CDH18: variants seen among roughly 807,000 people sequenced by gnomAD.
The protein encoded by CDH18 is cadherin-18.
A neutral mutation model predicts 67.9 loss-of-function variants in CDH18; 31 were observed. The observed-to-expected ratio is 0.46, with a 90% CI of 0.34 to 0.62. The LOEUF (loss-of-function observed/expected upper bound fraction) is 0.62. CDH18 is among the 20% of genes least tolerant of loss of function. CDH18 has a pLI of 0.01. For synonymous variants in CDH18, 362 were observed against 347.2 expected, an observed-to-expected ratio of 1.04 and a Z score of -0.48; for missense variants, 890 against 975.5, an observed-to-expected ratio of 0.91 and a Z score of 1.17.
At chr5:20,211,083 G>T (rs1740314771) in intron 2 of CDH18, among the ~76,000 whole-genome samples, 1 of 151,984 alleles carries the variant, frequency 6.6e-6, no homozygotes, top group Non-Finnish European at 1.5e-5. Flanking sequence ...TATCAATAAA[G>T]CCAGTGACAC....
At chr5:19,922,014 A>C (rs762690972) in intron 2 of CDH18, among the ~76,000 whole-genome samples, 1 of 152,126 alleles carries the variant, frequency 6.6e-6, no homozygotes, top group Non-Finnish European at 1.5e-5. Context: ...CTAATGGAGA[A>C]AGTTAATACC....
At chr5:19,522,948 C>G (rs1348852883) in intron 9 of CDH18, among the ~76,000 whole-genome samples, 2 of 146,580 alleles carry the variant, frequency 1.4e-5, no homozygotes, top group Non-Finnish European at 3.0e-5. Flanking sequence ...TCAAGGCTTA[C>G]TACACTTAAC....
At chr5:20,573,301 TA>T (rs887574615) in intron 1 of CDH18, among the ~76,000 whole-genome samples, 3 of 151,960 alleles carry the variant, frequency 2.0e-5, no homozygotes, top group Non-Finnish European at 1.5e-5. Flanking sequence ...CTACTTATGC[TA>T]AAATTTTAAT....
At position 19,612,523 on chromosome 5, in the gene CDH18, A is replaced by G. The variant is rs201835877; in HGVS notation, c.722T>C (p.Met241Thr). ...HYSVVIQAKD[M>T]AGQVGGLSGS... ...TGAAAGCCCTCCAACTTGCCCAGCCATGTCTTTGGCTTGAATGACTACGGA... is the reference window on the plus strand; with the variant it reads ...TGAAAGCCCTCCAACTTGCCCAGCCGTGTCTTTGGCTTGAATGACTACGGA... Residue 241 changes from methionine to threonine, a missense_variant, in exon 6 of 13, where the codon ATG (methionine) becomes ACG (threonine). This residue lies in a region of CDH18 where 234 missense variants were observed against 307.4 expected (regional missense o/e 0.76). Transcript: ENST00000382275. The G allele has an allele frequency of 6.2e-7, 1 of 1,614,070 alleles. No individual in the cohort carries two copies. The highest frequency in any genetic ancestry group is 1.3e-5 in the African/African-American group (1 of 75,030).
At chr5:20,016,367 T>C (rs758005478) in intron 2 of CDH18, among the ~76,000 whole-genome samples, 14 of 152,072 alleles carry the variant, frequency 9.2e-5, no homozygotes, top group Non-Finnish European at 1.9e-4. Flanking sequence ...TTGGGTACTA[T>C]ACGTAGTACC....
chr5:19,535,575 A>C (rs149564700), intron 9 of CDH18, among the ~76,000 whole-genome samples: 1,787 of 152,300 alleles, frequency 0.012, 12 homozygotes, highest in South Asian at 0.032. Flanking sequence ...TTTCATTTCT[A>C]TTATCTGACA....
In CDH18 at chr5:20,172,205, T is replaced by TATAC. The variant is rs1554098704; in HGVS notation, c.-518+83238_-518+83239insGTAT. On this transcript the variant is annotated intron_variant, in intron 2 of 14. Coordinates refer to the CDH18 transcript ENST00000507958. ...AGCATTGTGTGTATATATATATATATATATATATATATATATATGTATATA... is the reference window on the plus strand; with the variant it reads ...AGCATTGTGTGTATATATATATATATATACATATATATATATATATATGTATATA... Among the ~76,000 whole-genome samples the TATAC allele has an allele frequency of 1.6e-4, 10 of 62,190 alleles. No individual in the cohort carries two copies. The South Asian group carries it at 2.8e-3, about 17-fold the overall frequency. The allele number at this position is 62,190 out of a possible 152,430, so 40.8% of individuals were successfully genotyped here.
intron 3 of CDH18, among the ~76,000 whole-genome samples, chr5:19,837,404 A>G (rs577486040): frequency 1.3e-5 from 2 of 152,082 alleles, no homozygotes; most frequent in East Asian, 3.9e-4. Flanking sequence ...ACTTAAAGGT[A>G]TAATTTTTTT....
At chr5:20,006,977 C>T (rs1361403622) in intron 2 of CDH18, among the ~76,000 whole-genome samples, 1 of 151,770 alleles carries the variant, frequency 6.6e-6, no homozygotes, top group Non-Finnish European at 1.5e-5. Flanking sequence ...AAGAACTTTA[C>T]ACAACCACAA....
At chr5:19,707,489 C>T (rs1346394801) in intron 5 of CDH18, among the ~76,000 whole-genome samples, 1 of 152,180 alleles carries the variant, frequency 6.6e-6, no homozygotes, top group African/African-American at 2.4e-5. Flanking sequence ...GAGGTATACA[C>T]TAATGATAGC....
At chr5:20,399,514 G>C (rs560962298) in intron 1 of CDH18, among the ~76,000 whole-genome samples, 2 of 152,136 alleles carry the variant, frequency 1.3e-5, no homozygotes, top group South Asian at 4.1e-4. Flanking sequence ...ATTATTATGT[G>C]ATGTGAGAAA....
rs1475743051 is a variant in CDH18 at position 20,119,551 on chromosome 5, T to C, written c.-517-127537A>G. ...AGAGTAGAAAATCTGAGAGAAAATA[T>C]GATAACAGTTACAGGGACCAGAAGG... On this transcript the variant is annotated intron_variant, in intron 2 of 14. Transcript: ENST00000507958. 2.6e-5 allele frequency among the ~76,000 whole-genome samples: 4 copies of C among 152,310 alleles called. No individual in the cohort carries two copies. The East Asian group carries it at 7.7e-4, about 29-fold the overall frequency.
chr5:20,236,410 T>A (rs1742479735), intron 2 of CDH18, among the ~76,000 whole-genome samples: 2 of 151,804 alleles, frequency 1.3e-5, no homozygotes, highest in South Asian at 4.1e-4. Context: ...AGAAATATTA[T>A]GTTTCAAAGG....
At position 19,624,551 on chromosome 5, in the gene CDH18, G is replaced by A. The variant is rs145637613; in HGVS notation, c.644-11950C>T. On this transcript the variant is annotated intron_variant, in intron 5 of 12. Transcript: ENST00000382275. ...TTCCTTTAGCATATAGTTTTAAGTAGAGTCCAGAATTGGGCCAAAGTAGCC... is the reference window on the plus strand; with the variant it reads ...TTCCTTTAGCATATAGTTTTAAGTAAAGTCCAGAATTGGGCCAAAGTAGCC... Among the ~76,000 whole-genome samples, 194 of 152,200 alleles carry A rather than the reference G, an allele frequency of 1.3e-3. 1 individual carries two copies. Among genetic ancestry groups the A allele is most frequent in the African/African-American group, 4.5e-3 (188 of 41,542 alleles).
At position 20,130,075 on chromosome 5, in the gene CDH18, GTTA is replaced by G. The variant is rs70954639; in HGVS notation, c.-518+125366_-518+125368del. Among the ~76,000 whole-genome samples the G allele has an allele frequency of 6.8e-3, 982 of 143,590 alleles. 20 individuals are homozygous for G. The highest frequency in any genetic ancestry group is 0.024 in the African/African-American group (935 of 39,334). 94.2% of individuals were successfully genotyped at this position (143,590 alleles called of 152,430 possible). ...TAGTGGCAATATTATTATTATTATT[GTTA>G]TTATTATTATTATTATTGAATGTGT... On this transcript the variant is annotated intron_variant, in intron 2 of 14. Coordinates refer to the CDH18 transcript ENST00000507958.
chr5:19,471,503 A>C lies in CDH18; in HGVS notation c.*1723T>G, dbSNP rs952678758. ...AACTTTTGGGGACACTGATAATGAT[A>C]AATTTAAAGAGCAAAGGAAAAACTC... is the stretch of plus-strand genomic sequence containing the variant. On this transcript the variant is annotated 3_prime_UTR_variant, in exon 13 of 13. Transcript: ENST00000382275. 3.3e-5 allele frequency among the ~76,000 whole-genome samples: 5 copies of C among 152,108 alleles called. No individual in the cohort carries two copies. Among genetic ancestry groups the C allele is most frequent in the Non-Finnish European group, 7.4e-5 (5 of 68,008 alleles).
At chr5:19,994,855 T>TATATATATAGAGAGAG (rs760777430) in intron 2 of CDH18, among the ~76,000 whole-genome samples, 5 of 67,584 alleles carry the variant, frequency 7.4e-5, no homozygotes, top group Admixed American at 1.7e-4. Context: ...TATATATATA[T>TATATATATAGAGAGAG]AGAGAGAGAG....
intron 5 of CDH18, among the ~76,000 whole-genome samples, chr5:19,640,496 T>C (rs887552513): frequency 5.9e-5 from 9 of 152,092 alleles, no homozygotes; most frequent in Admixed American, 1.3e-4. Context: ...TAAGCCACTA[T>C]AAGAAATCAT....
chr5:20,047,610 T>G (rs1741022689), intron 2 of CDH18, among the ~76,000 whole-genome samples: 1 of 151,806 alleles, frequency 6.6e-6, no homozygotes. Flanking sequence ...TGCTTTCAGA[T>G]AGTCTATTGT....
Sources: allele counts gnomAD v4.1 joint callset (sites outside exome capture counted in the v4.1 genomes callset), GRCh38; gene constraint gnomAD v4.1.1; regional missense constraint gnomAD v4.1.1; transcripts MANE v1.5; gene names NCBI Gene and HGNC (gene_info 2026-07-23, HGNC 2026-07-21).